MED13: variants seen among roughly 807,000 people sequenced by gnomAD.
MED13 encodes the protein mediator of RNA polymerase II transcription subunit 13.
MED13 carries 23 observed loss-of-function variants against 225.2 expected under a neutral mutation model. That is an observed-to-expected ratio of 0.10 (90% CI 0.07 to 0.14). The LOEUF is 0.14. Ranked by LOEUF, MED13 falls within the 10% of genes least tolerant of loss-of-function variation. MED13 has a pLI of 1.00. For synonymous variants in MED13, 942 were observed against 889.2 expected (o/e 1.06, Z -1.06); for missense variants, 2,197 against 2,594.5 (o/e 0.85, Z 3.33).
intron 8 of MED13, among the ~76,000 whole-genome samples, chr17:62,015,860 A>G (rs1274865414): frequency 2.1e-5 from 2 of 93,354 alleles, no homozygotes; most frequent in African/African-American, 9.1e-5. Flanking sequence ...ATATGTGTAT[A>G]GTGTGTATGT....
chr17:62,003,599 C>CAAAAAAAAAAAAAAAAAAAAAAAAAAA (rs34451831), intron 9 of MED13: 17 of 51,730 alleles, frequency 3.3e-4, no homozygotes, highest in East Asian at 1.7e-3. Context: ...CAGCAAAACT[C>CAAAAAAAAAAAAAAAAAAAAAAAAAAA]AAAAAAAAAA....
chr17:62,045,543 C>A (rs764701824), intron 3 of MED13, among the ~76,000 whole-genome samples: 6 of 151,934 alleles, frequency 3.9e-5, no homozygotes, highest in Non-Finnish European at 8.8e-5. Context: ...AAAAAAAGTT[C>A]TTATTCAAGA....
chr17:61,984,318 C>G lies in MED13; in HGVS notation c.2741G>C (p.Cys914Ser). The G allele has an allele frequency of 1.2e-6, 2 of 1,603,460 alleles. No individual in the cohort carries two copies. The highest frequency in any genetic ancestry group is 8.5e-7 in the Non-Finnish European group (1 of 1,176,344). Residue 914 changes from cysteine to serine, a missense_variant, in exon 15 of 30, where the codon TGT (cysteine) becomes TCT (serine). Cys to Ser is a moderately radical substitution (Grantham distance 112). This residue lies in a region of MED13 where 160 missense variants were observed against 184.8 expected (regional missense o/e 0.87). Transcript: ENST00000397786. ...AGTTTTTAGAGGTGCAAACATGGAA[C>G]ATCCCACTAGAATTTGACAATTTTC... ...KPENCQILVG[C>S]SMFAPLKTLP...
chr17:62,009,624 A>G lies in MED13; in HGVS notation c.1967+926T>C, dbSNP rs73334701. ...AGCCATTCTCATACACTGCTGGTTC[A>G]TGAGGGTTTAAACTATATACCAGTT... On this transcript the variant is annotated intron_variant, in intron 9 of 29. Transcript: ENST00000397786. Among the ~76,000 whole-genome samples the G allele has an allele frequency of 5.8e-3, 882 of 152,308 alleles. 8 individuals are homozygous for G. Among genetic ancestry groups the G allele is most frequent in the African/African-American group, 0.02 (832 of 41,578 alleles).
At chr17:61,952,799 G>A (rs1219603446) in intron 27 of MED13, among the ~76,000 whole-genome samples, 166 bp downstream of exon 27, 2 of 152,104 alleles carry the variant, frequency 1.3e-5, no homozygotes, top group Non-Finnish European at 2.9e-5. Context: ...ACCTTACCCG[G>A]CTATTTTTTA....
intron 16 of MED13, among the ~76,000 whole-genome samples, chr17:61,979,241 CTG>C (rs2080182892): frequency 6.6e-6 from 1 of 152,194 alleles, no homozygotes; most frequent in South Asian, 2.1e-4. Context: ...TTATACATAA[CTG>C]TAATTCATTT....
At chr17:62,000,898 G>T (rs1417676540) in intron 9 of MED13, among the ~76,000 whole-genome samples, 1 of 152,090 alleles carries the variant, frequency 6.6e-6, no homozygotes, top group Non-Finnish European at 1.5e-5. Flanking sequence ...GAATAGCTGG[G>T]ATTACAGGCG....
At chr17:62,015,046 C>T (rs917712185) in intron 8 of MED13, among the ~76,000 whole-genome samples, 2 of 152,088 alleles carry the variant, frequency 1.3e-5, no homozygotes, top group Non-Finnish European at 2.9e-5. Flanking sequence ...CCTAGTTTTA[C>T]CAACCGAGTC....
intron 10 of MED13, among the ~76,000 whole-genome samples, chr17:61,993,955 A>C (rs2080325533): frequency 6.6e-6 from 1 of 152,034 alleles, no homozygotes; most frequent in Non-Finnish European, 1.5e-5. Flanking sequence ...AAACAAAAAA[A>C]AAAACTCACA....
intron 8 of MED13, among the ~76,000 whole-genome samples, chr17:62,012,620 G>A (rs563452439): frequency 3.4e-4 from 52 of 152,004 alleles, no homozygotes; most frequent in Admixed American, 2.2e-3. Context: ...ATGAGCCACC[G>A]TGCCTGGCCA....
intron 2 of MED13, among the ~76,000 whole-genome samples, chr17:62,059,927 A>G (rs553406052): frequency 1.3e-3 from 205 of 152,344 alleles, no homozygotes; most frequent in African/African-American, 4.7e-3. Context: ...TTGGAACAAT[A>G]AATATGATCA....
At chr17:61,950,782 G>A (rs1327384853) in intron 28 of MED13, 43 bp downstream of exon 28, 1 of 1,567,134 alleles carries the variant, frequency 6.4e-7, no homozygotes, top group Admixed American at 1.8e-5. Context: ...GACTTAGGCT[G>A]TCAATCAGAA....
At position 62,029,668 on chromosome 17, in the gene MED13, C is replaced by G; in HGVS notation, c.1173-17G>C. The stretch of plus-strand genomic sequence containing the variant: ...TACTTCCTCCTAAGATTTAAAGTTA[C>G]AAAATTCTTTAAAATTCATAAAATT... On this transcript the variant is annotated splice_polypyrimidine_tract_variant and intron_variant, in intron 7 of 29. Transcript: ENST00000397786. The G allele has an allele frequency of 6.3e-7, 1 of 1,591,932 alleles. No homozygotes were observed. The highest frequency in any genetic ancestry group is 8.6e-7 in the Non-Finnish European group (1 of 1,166,966).
At chr17:62,031,280 G>A (rs2080753144) in intron 6 of MED13, 164 bp downstream of exon 6, 1 of 595,890 alleles carries the variant, frequency 1.7e-6, no homozygotes, top group Non-Finnish European at 2.8e-6. Context: ...CAGGGTGATG[G>A]AGTAAATAAT....
At position 61,946,561 on chromosome 17, in the gene MED13, G is replaced by A; in HGVS notation, c.6432C>T (p.Thr2144=). 1 of 1,614,028 alleles carries A rather than the reference G, an allele frequency of 6.2e-7. No individual in the cohort carries two copies. Among genetic ancestry groups the A allele is most frequent in the Non-Finnish European group, 8.5e-7 (1 of 1,179,938 alleles). ...GTCTGTCCTGGGTTGCAGGGTCACA[G>A]GTTAGCCAGGAGAGTGCATTGTACT... The part of the protein sequence containing the change: ...LEQYNALSWL[T]CDPATQDRRS... Residue 2144 remains threonine (T), a synonymous_variant, in exon 30 of 30, where the codon ACC becomes ACT. Transcript: ENST00000397786.
chr17:62,022,828 A>G (rs2080662572), intron 8 of MED13, among the ~76,000 whole-genome samples: 1 of 152,052 alleles, frequency 6.6e-6, no homozygotes, highest in Non-Finnish European at 1.5e-5. Flanking sequence ...TGGGCAACAT[A>G]GCATGACCCC....
chr17:62,042,582 C>CA (rs1194141775), intron 3 of MED13, among the ~76,000 whole-genome samples: 1 of 140,754 alleles, frequency 7.1e-6, no homozygotes, highest in Non-Finnish European at 1.5e-5. Context: ...AAAAAAAAAC[C>CA]AAAAAAACCC....
chr17:61,955,465 A>C lies in MED13; in HGVS notation c.5885T>G (p.Val1962Gly). 2 of 1,602,628 alleles carry C rather than the reference A, an allele frequency of 1.2e-6. No individual in the cohort carries two copies. The highest frequency in any genetic ancestry group is 1.7e-6 in the Non-Finnish European group (2 of 1,176,658). Residue 1962 changes from valine (V) to glycine (G), a missense_variant, in exon 26 of 30, where the codon GTG becomes GGG. This residue lies in a region of MED13 where 216 missense variants were observed against 388.9 expected (regional missense o/e 0.56). Transcript: ENST00000397786. The part of the protein sequence containing the change: ...PQDTSCTHIL[V>G]FPTSASVQVA... ...TTGCACAGAAGCAGAAGTAGGAAACACAAGTATATGAGTACATGATGTATC... is the reference window on the plus strand; with the variant it reads ...TTGCACAGAAGCAGAAGTAGGAAACCCAAGTATATGAGTACATGATGTATC...
chr17:62,063,185 A>C lies in MED13; in HGVS notation c.183T>G (p.Leu61=), dbSNP rs763074345. 1 of 1,614,062 alleles carries C rather than the reference A, an allele frequency of 6.2e-7. No homozygotes were observed. Among genetic ancestry groups the C allele is most frequent in the East Asian group, 2.2e-5 (1 of 44,882 alleles). The stretch of plus-strand genomic sequence containing the variant: ...GCCAAACACCAAGTACATCTGCCTT[A>C]AGGCAGCGACTAAAACTGCTCAAAA... ...DPILSSFSRC[L]KADVLGVWRR... Residue 61 remains leucine (L), a synonymous_variant, in exon 2 of 30, where the codon CTT becomes CTG. Coordinates refer to ENST00000397786, the MANE Select transcript of MED13 (RefSeq NM_005121.3).
Sources: gnomAD v4.1 joint callset for allele counts (sites outside exome capture counted in the v4.1 genomes callset) on GRCh38, gnomAD v4.1.1 for gene constraint, gnomAD v4.1.1 regional missense constraint, MANE v1.5 for transcripts, NCBI Gene and HGNC (gene_info 2026-07-23, HGNC 2026-07-21) for gene names.